Variants in AGBL2 observed in about 807,000 individuals in gnomAD.
AGBL2 encodes cytosolic carboxypeptidase 2.
In AGBL2, 87 loss-of-function variants were observed where a neutral mutation model predicts 103.0. The observed-to-expected ratio is 0.84, with a 90% CI of 0.71 to 1.01. The LOEUF is 1.01. Ranked by LOEUF, AGBL2 falls within the 50% of genes least tolerant of loss-of-function variation. The pLI, the probability that AGBL2 is intolerant of heterozygous loss-of-function variation, is 0.00. For missense variants in AGBL2, 904 were observed against 1,023.5 expected (o/e 0.88, Z 1.59); for synonymous variants, 335 against 356.7 (o/e 0.94, Z 0.69).
chr11:47,680,143 G>T, intron 12 of AGBL2, 70 bp from the exon 13 acceptor site: 1 of 1,047,016 alleles, frequency 9.6e-7, no homozygotes, highest in South Asian at 1.4e-5. Flanking sequence ...TCTAATTTAT[G>T]ATTATCTTTT....
Position 47,678,338 on chromosome 11 carries a change from A to ATTATTTTTTTTTTTTTTTTTTT in AGBL2, c.2017-938_2017-937insAAAAAAAAAAAAAAAAAAATAA, listed in dbSNP as rs1565026654. ...TTATTTTATTTTATTTTATTTTATTATTTTATTTTTTTTGAGACGGAGTCT... is the reference window on the plus strand; with the variant it reads ...TTATTTTATTTTATTTTATTTTATTATTATTTTTTTTTTTTTTTTTTTTTTTATTTTTTTTGAGACGGAGTCT... On this transcript the variant is annotated intron_variant, in intron 13 of 18. Transcript: ENST00000525123. Among the ~76,000 whole-genome samples, 845 of 94,620 alleles carry ATTATTTTTTTTTTTTTTTTTTT rather than the reference A, an allele frequency of 8.9e-3. 34 individuals carry two copies. The highest frequency in any genetic ancestry group is 0.014 in the Non-Finnish European group (631 of 45,452). 62.1% of individuals were successfully genotyped at this position (94,620 alleles called of 152,430 possible).
intron 3 of AGBL2, among the ~76,000 whole-genome samples, chr11:47,713,336 C>T (rs552679048): frequency 3.6e-5 from 5 of 137,822 alleles, no homozygotes; most frequent in Non-Finnish European, 7.8e-5. Flanking sequence ...AAGAGTGAGA[C>T]TCTATCGCAA....
chr11:47,678,338 A>ATTTTTTTTTTTTTTT (rs1196435610), intron 13 of AGBL2, among the ~76,000 whole-genome samples: 18 of 95,288 alleles, frequency 1.9e-4, no homozygotes, highest in South Asian at 7.6e-4. Flanking sequence ...TTATTTTATT[A>ATTTTTTTTTTTTTTT]TTTTATTTTT....
At chr11:47,691,921 C>A (rs994827483) in intron 9 of AGBL2, among the ~76,000 whole-genome samples, 182 bp downstream of exon 9, 1 of 150,018 alleles carries the variant, frequency 6.7e-6, no homozygotes, top group Non-Finnish European at 1.5e-5. Context: ...GCAAAGTAAA[C>A]AATTTAGAAA....
At chr11:47,692,957 C>G (rs2097453872) in intron 8 of AGBL2, among the ~76,000 whole-genome samples, 1 of 151,674 alleles carries the variant, frequency 6.6e-6, no homozygotes, top group Non-Finnish European at 1.5e-5. Flanking sequence ...TAGCTGGGAC[C>G]ACAGGAGTGC....
chr11:47,704,741 A>G lies in AGBL2; in HGVS notation c.401-13T>C. 2 of 1,609,592 alleles carry G rather than the reference A, an allele frequency of 1.2e-6. No homozygotes were observed. Among genetic ancestry groups the G allele is most frequent in the South Asian group, 2.2e-5 (2 of 90,548 alleles). On this transcript the variant is annotated splice_polypyrimidine_tract_variant and intron_variant, in intron 6 of 18. Transcript: ENST00000525123. ...AGCATATGTGAATCTGCCAAAGGGA[A>G]AGAGAGTAAGTGAACATCTTCCTTT...
At position 47,663,085 on chromosome 11, in the gene AGBL2, T is replaced by A. The variant is rs760339383; in HGVS notation, c.2476A>T (p.Thr826Ser). 1.9e-6 allele frequency: 3 copies of A among 1,593,008 alleles called. No homozygotes were observed. In the East Asian group the frequency reaches 6.7e-5, roughly 36 times the overall value. ...GTGGCCATTGATGGGTCCAGGGGGG[T>A]GTCTTTGTCTCTTCTATTTAAATTT... Reference protein sequence around the residue: ...ETNLNRRDKDTPLDPSMATLI... With the variant: ...ETNLNRRDKDSPLDPSMATLI... Residue 826 changes from threonine (T) to serine (S), a missense_variant, in exon 18 of 19, where the codon ACC (threonine) becomes TCC (serine). Coordinates refer to ENST00000525123, the MANE Select transcript of AGBL2 (RefSeq NM_024783.4).
intron 14 of AGBL2, among the ~76,000 whole-genome samples, chr11:47,675,008 A>T (rs1029438652): frequency 2.6e-5 from 4 of 152,034 alleles, no homozygotes; most frequent in African/African-American, 9.7e-5. Flanking sequence ...TCCTGGGATT[A>T]CAGGTGTGAG....
chr11:47,662,581 C>T (rs2097331082), intron 18 of AGBL2, among the ~76,000 whole-genome samples: 1 of 151,786 alleles, frequency 6.6e-6, no homozygotes, highest in Non-Finnish European at 1.5e-5. Flanking sequence ...CAACCTCTGC[C>T]TCCCGGGTTC....
At chr11:47,662,524 ACT>A (rs1247105742) in intron 18 of AGBL2, among the ~76,000 whole-genome samples, 7 of 142,808 alleles carry the variant, frequency 4.9e-5, no homozygotes, top group Admixed American at 7.3e-5. Context: ...ACGGAGTCGC[ACT>A]CTGTCACCCA....
intron 15 of AGBL2, 135 bp downstream of exon 15, chr11:47,668,706 C>A: frequency 1.6e-6 from 1 of 617,674 alleles, no homozygotes; most frequent in Non-Finnish European, 2.9e-6. Flanking sequence ...GACTTTAGGG[C>A]AAGGTGACTA....
intron 7 of AGBL2, 66 bp from the exon 8 acceptor site, chr11:47,699,619 A>G (rs1388630823): frequency 7.4e-6 from 6 of 811,334 alleles, no homozygotes; most frequent in Non-Finnish European, 1.1e-5. Flanking sequence ...CAGAACTAAT[A>G]TAAAATAATA....
intron 14 of AGBL2, among the ~76,000 whole-genome samples, chr11:47,673,499 C>A (rs1196722604): frequency 6.6e-6 from 1 of 152,040 alleles, no homozygotes; most frequent in African/African-American, 2.4e-5. Context: ...GTGGCACATG[C>A]CTGTAATCCC....
At chr11:47,664,125 G>A (rs1247045738) in intron 17 of AGBL2, among the ~76,000 whole-genome samples, 3 of 152,258 alleles carry the variant, frequency 2.0e-5, no homozygotes, top group Non-Finnish European at 4.4e-5. Flanking sequence ...AAAGTGCTGG[G>A]ATTACAGGCG....
At position 47,690,601 on chromosome 11, in the gene AGBL2, T is replaced by A; in HGVS notation, c.1106A>T (p.Asp369Val). 1 of 1,614,190 alleles carries A rather than the reference T, an allele frequency of 6.2e-7. No individual in the cohort carries two copies. The highest frequency in any genetic ancestry group is 1.1e-5 in the South Asian group (1 of 91,086). Reference protein sequence around the residue: ...EIKYYKNNTDDGQQPFYCLTW... With the variant: ...EIKYYKNNTDVGQQPFYCLTW... ...GAGACAGTAGAAGGGCTGCTGCCCA[T>A]CATCCGTGTTGTTCTTGTAGTACTT... Residue 369 changes from aspartate to valine, a missense_variant, in exon 10 of 19, where the codon GAT (aspartate) becomes GTT (valine). Physicochemically the swap from Asp to Val is radical, Grantham distance 152 (BLOSUM62 -3). Transcript: ENST00000525123.
chr11:47,661,142 G>A (rs780673863), intron 18 of AGBL2, among the ~76,000 whole-genome samples: 1 of 151,696 alleles, frequency 6.6e-6, no homozygotes, highest in Admixed American at 6.6e-5. Flanking sequence ...CAGCCTGGGC[G>A]ACAGAGCAAG....
At chr11:47,690,959 C>G in intron 9 of AGBL2, 101 bp from the exon 10 acceptor site, 1 of 945,582 alleles carries the variant, frequency 1.1e-6, no homozygotes, top group Non-Finnish European at 1.5e-6. Context: ...GGTCTTATTA[C>G]AACAGAAAAA....
chr11:47,691,710 G>GACAAAAAAAAAAAAAAAAAAA (rs2097446344), intron 9 of AGBL2, among the ~76,000 whole-genome samples: 1 of 1,328 alleles, frequency 7.5e-4, no homozygotes, highest in Non-Finnish European at 2.7e-3. Flanking sequence ...TCCATCTCAA[G>GACAAAAAAAAAAAAAAAAAAA]AAAAAAAAAA....
At chr11:47,667,730 G>A (rs751638690) in intron 15 of AGBL2, 34 bp from the exon 16 acceptor site, 1 of 1,601,762 alleles carries the variant, frequency 6.2e-7, no homozygotes, top group Non-Finnish European at 8.5e-7. Flanking sequence ...GGTCATTGAA[G>A]ATTCCAGAAC....
Sources: allele counts gnomAD v4.1 joint callset (sites outside exome capture counted in the v4.1 genomes callset), GRCh38; gene constraint gnomAD v4.1.1; transcripts MANE v1.5; gene names NCBI Gene and HGNC (gene_info 2026-07-23, HGNC 2026-07-21).